The following UGT2B15 variants were observed in gnomAD, a reference collection of about 807,000 sequenced individuals.
UGT2B15 encodes UDP-glucuronosyltransferase 2B15.
In UGT2B15, 36 loss-of-function variants were observed where a neutral mutation model predicts 45.9. That is an observed-to-expected ratio of 0.78 (90% CI 0.60 to 1.04). The LOEUF (loss-of-function observed/expected upper bound fraction) is 1.04. Ranked by LOEUF, UGT2B15 falls within the 50% of genes least tolerant of loss-of-function variation. The probability of loss-of-function intolerance (pLI) is 0.00; values close to 1 mark genes in which losing one functional copy is unlikely to be tolerated. For synonymous variants in UGT2B15, 219 were observed against 216.4 expected (o/e 1.01, Z -0.11); for missense variants, 617 against 622.4 (o/e 0.99, Z 0.09).
At position 68,647,138 on chromosome 4, in the gene UGT2B15, A is replaced by T. The variant is rs750536796; in HGVS notation, c.1559T>A (p.Leu520His). 18 of 1,612,936 alleles carry T rather than the reference A, an allele frequency of 1.1e-5. 1 individual carries two copies. The Middle Eastern group carries it at 8.2e-4, about 74-fold the overall frequency. Residue 520 changes from leucine (L) to histidine (H), a missense_variant, in exon 6 of 6, where the codon CTT (leucine) becomes CAT (histidine). Leu to His is a moderately conservative substitution (Grantham distance 99). This residue lies in a region of UGT2B15 where 265 missense variants were observed against 245.1 expected (regional missense o/e 1.08). Coordinates refer to ENST00000338206, the MANE Select transcript of UGT2B15 (RefSeq NM_001076.4). ...TKFCLFCFRKLAKKGKKKKRD is the reference protein window; with the variant it reads ...TKFCLFCFRKHAKKGKKKKRD ...TTTCTTCTTCTTTCCTTTTTTGGCA[A>T]GCTTTCGGAAACAAAACAGGCAAAA...
chr4:68,658,709 C>A (rs1157996923), intron 3 of UGT2B15, among the ~76,000 whole-genome samples: 4 of 152,006 alleles, frequency 2.6e-5, no homozygotes, highest in Non-Finnish European at 5.9e-5. Context: ...TGGGAAAAAA[C>A]TGTTATCATT....
At chr4:68,660,375 C>T (rs559156059) in intron 3 of UGT2B15, among the ~76,000 whole-genome samples, 17 of 151,950 alleles carry the variant, frequency 1.1e-4, no homozygotes, top group African/African-American at 4.1e-4. Flanking sequence ...GAGAGGAATT[C>T]ACCCAACTCG....
rs547860242 is a variant in UGT2B15 at position 68,652,399 on chromosome 4, C to T, written c.1313+1638G>A. Among the ~76,000 whole-genome samples the T allele has an allele frequency of 3.0e-4, 45 of 151,522 alleles. 1 individual carries two copies. Among genetic ancestry groups the T allele is most frequent in the Admixed American group, 5.3e-4 (8 of 15,200 alleles). On this transcript the variant is annotated intron_variant, in intron 5 of 5. Coordinates refer to ENST00000338206, the MANE Select transcript of UGT2B15 (RefSeq NM_001076.4). ...TTCTCTAGTTCACATTTAAATCCAG[C>T]ATCTTATTCTATATATATATATATT... is the stretch of plus-strand genomic sequence containing the variant.
Position 68,647,264 on chromosome 4 carries a change from C to G in UGT2B15, c.1433G>C (p.Arg478Pro). ...VMRHKGAKHL[R>P]VAAHNLTWIQ... is the part of the protein sequence containing the mutation. ...CCAGGTGAGGTTGTGAGCTGCGACT[C>G]GAAGGTGCTTGGCTCCTTTGTGGCG... The change falls in exon 6 of 6, where the codon CGA becomes CCA. Residue 478 changes from arginine (R) to proline (P), a missense_variant. By Grantham distance (103) the Arg-to-Pro change is moderately radical. Transcript: ENST00000338206. The G allele has an allele frequency of 6.2e-7, 1 of 1,613,950 alleles. No individual in the cohort carries two copies. Among genetic ancestry groups the G allele is most frequent in the South Asian group, 1.1e-5 (1 of 91,076 alleles).
Position 68,654,077 on chromosome 4 carries a change from C to A in UGT2B15, c.1273G>T (p.Asp425Tyr), listed in dbSNP as rs1413959212. Residue 425 changes from aspartate to tyrosine, a missense_variant, in exon 5 of 6, where the codon GAT (aspartate) becomes TAT (tyrosine). Asp to Tyr is a radical substitution (Grantham distance 160). Transcript: ENST00000338206. ...SVDIRTMSSR[D>Y]LLNALKSVIN... The stretch of plus-strand genomic sequence containing the variant: ...ACTGACTTCAATGCATTGAGCAAAT[C>A]TCTACTTGACATGGTCCTGATGTCC... 1 of 1,613,568 alleles carries A rather than the reference C, an allele frequency of 6.2e-7. No homozygotes were observed. Among genetic ancestry groups the A allele is most frequent in the Non-Finnish European group, 8.5e-7 (1 of 1,179,630 alleles).
chr4:68,666,733 C>CAT (rs975003043), intron 2 of UGT2B15, among the ~76,000 whole-genome samples: 230 of 136,334 alleles, frequency 1.7e-3, no homozygotes, highest in South Asian at 3.8e-3. Flanking sequence ...TATCAAATTA[C>CAT]ATATATATAT....
At chr4:68,664,823 C>G (rs556748588) in intron 2 of UGT2B15, among the ~76,000 whole-genome samples, 1 of 152,028 alleles carries the variant, frequency 6.6e-6, no homozygotes, top group African/African-American at 2.4e-5. Flanking sequence ...CTCAGCCTCC[C>G]GATGTGCTGG....
chr4:68,654,088 A>T lies in UGT2B15; in HGVS notation c.1262T>A (p.Met421Lys). The change falls in exon 5 of 6, where the codon ATG (methionine) becomes AAG (lysine). Residue 421 changes from methionine to lysine, a missense_variant. Physicochemically the swap from Met to Lys is moderately conservative, Grantham distance 95 (BLOSUM62 -1). Transcript: ENST00000338206. ...GAALSVDIRT[M>K]SSRDLLNALK... The stretch of plus-strand genomic sequence containing the variant: ...TGCATTGAGCAAATCTCTACTTGAC[A>T]TGGTCCTGATGTCCACACTGAGGGC... 1.9e-6 allele frequency: 3 copies of T among 1,613,570 alleles called. No individual in the cohort carries two copies. The highest frequency in any genetic ancestry group is 2.5e-6 in the Non-Finnish European group (3 of 1,179,626).
chr4:68,660,102 C>A (rs1560607910), intron 3 of UGT2B15, among the ~76,000 whole-genome samples: 12 of 150,930 alleles, frequency 8.0e-5, no homozygotes, highest in Admixed American at 5.3e-4. Context: ...CAGTTATTTG[C>A]ATAAGTGCAA....
intron 5 of UGT2B15, 118 bp downstream of exon 5, chr4:68,653,919 T>C: frequency 2.3e-6 from 3 of 1,306,364 alleles, no homozygotes; most frequent in East Asian, 2.4e-5. Flanking sequence ...AGATTTTACA[T>C]TGGTTAAATC....
intron 5 of UGT2B15, among the ~76,000 whole-genome samples, chr4:68,652,002 T>C (rs1301184600): frequency 6.6e-6 from 1 of 152,124 alleles, no homozygotes; most frequent in Non-Finnish European, 1.5e-5. Context: ...TTTTTATCCA[T>C]GAGGATGGAA....
intron 3 of UGT2B15, among the ~76,000 whole-genome samples, chr4:68,660,524 T>C (rs1732932361): frequency 6.6e-6 from 1 of 151,704 alleles, no homozygotes; most frequent in Admixed American, 6.6e-5. Context: ...CTCCTCTGTA[T>C]ACAATAATCA....
rs901931240 is a variant in UGT2B15, at chr4:68,646,803, A to T, written c.*301T>A. The T allele has an allele frequency of 3.6e-6, 1 of 281,074 alleles. No homozygotes were observed. Among genetic ancestry groups the T allele is most frequent in the Non-Finnish European group, 6.7e-6 (1 of 149,034 alleles). 17.4% of individuals were successfully genotyped at this position (281,074 alleles called of 1,614,324 possible). A position where few individuals can be genotyped will look rare whatever the true frequency, so the allele number is the denominator to read the frequency against. On this transcript the variant is annotated 3_prime_UTR_variant, in exon 6 of 6. Coordinates refer to ENST00000338206, the MANE Select transcript of UGT2B15 (RefSeq NM_001076.4). ...TGTGCACAACGTGCAGGTTAGCTAC[A>T]TATGTATACATGTGCCATGTTGGCG... is the stretch of plus-strand genomic sequence containing the variant.
intron 4 of UGT2B15, 94 bp downstream of exon 4, chr4:68,655,001 T>C (rs1732761015): frequency 7.0e-7 from 1 of 1,427,176 alleles, no homozygotes; most frequent in South Asian, 1.2e-5. Flanking sequence ...AGTTTTCCAA[T>C]AATAAATGCT....
In UGT2B15 at chr4:68,647,364, T is replaced by G. The variant is rs1220554291; in HGVS notation, c.1333A>C (p.Lys445Gln). The change falls in exon 6 of 6, where the codon AAA becomes CAA. Residue 445 changes from lysine to glutamine, a missense_variant. This residue lies in a region of UGT2B15 where 265 missense variants were observed against 245.1 expected (regional missense o/e 1.08). Coordinates refer to ENST00000338206, the MANE Select transcript of UGT2B15 (RefSeq NM_001076.4). Reference sequence around the variant, plus strand: ...TGGTCATGATGAATTCTTGATAATTTCATGACATTCTCTTTATAGCTGAAG... The same window carrying G: ...TGGTCATGATGAATTCTTGATAATTGCATGACATTCTCTTTATAGCTGAAG... ...NDPVYKENVM[K>Q]LSRIHHDQPM... 2 of 1,613,384 alleles carry G rather than the reference T, an allele frequency of 1.2e-6. No homozygotes were observed. Among genetic ancestry groups the G allele is most frequent in the Admixed American group, 3.3e-5 (2 of 59,952 alleles).
Position 68,670,305 on chromosome 4 carries a change from G to A in UGT2B15, c.314C>T (p.Thr105Ile). 1 of 1,614,020 alleles carries A rather than the reference G, an allele frequency of 6.2e-7. No homozygotes were observed. The highest frequency in any genetic ancestry group is 8.5e-7 in the Non-Finnish European group (1 of 1,179,974). Residue 105 changes from threonine to isoleucine, a missense_variant, in exon 1 of 6, where the codon ACA becomes ATA. By Grantham distance (89) the Thr-to-Ile change is moderately conservative. This residue lies in a region of UGT2B15 where 351 missense variants were observed against 342.1 expected (regional missense o/e 1.03). Coordinates refer to ENST00000338206, the MANE Select transcript of UGT2B15 (RefSeq NM_001076.4). ...DRWIYGVSKN[T>I]FWSYFSQLQE... ...TAATTGTGAAAAATATGACCAAAAT[G>A]TATTTTTTGAAACACCATATATCCA... is the stretch of plus-strand genomic sequence containing the variant.
intron 4 of UGT2B15, among the ~76,000 whole-genome samples, chr4:68,654,767 A>G (rs990827119): frequency 6.6e-6 from 1 of 151,984 alleles, no homozygotes; most frequent in African/African-American, 2.4e-5. Context: ...ATAACCCTGC[A>G]GTAGGGGAAA....
Position 68,670,473 on chromosome 4 carries a change from C to T in UGT2B15, c.146G>A (p.Arg49Lys), listed in dbSNP as rs149630676. Reference protein sequence around the residue: ...MKTILEELVQRGHEVTVLTSS... With the variant: ...MKTILEELVQKGHEVTVLTSS... ...TGTCAACACAGTCACCTCATGACCCCTCTGAACAAGCTCTTCCAGGATTGT... is the reference window on the plus strand; with the variant it reads ...TGTCAACACAGTCACCTCATGACCCTTCTGAACAAGCTCTTCCAGGATTGT... Residue 49 changes from arginine (R) to lysine (K), a missense_variant, in exon 1 of 6, where the codon AGG becomes AAG. By Grantham distance (26) the Arg-to-Lys change is conservative. This residue lies in a region of UGT2B15 where 351 missense variants were observed against 342.1 expected (regional missense o/e 1.03). Coordinates refer to ENST00000338206, the MANE Select transcript of UGT2B15 (RefSeq NM_001076.4). 14 of 1,613,932 alleles carry T rather than the reference C, an allele frequency of 8.7e-6. No homozygotes were observed. The African/African-American group carries it at 1.6e-4, about 18-fold the overall frequency.
chr4:68,667,907 A>G (rs1733187343), intron 2 of UGT2B15, 133 bp downstream of exon 2: 35 of 1,402,996 alleles, frequency 2.5e-5, no homozygotes, highest in Non-Finnish European at 3.3e-5. Flanking sequence ...GAAATATATG[A>G]TTTTCTAATG....
Sources: allele counts gnomAD v4.1 joint callset (sites outside exome capture counted in the v4.1 genomes callset), GRCh38; gene constraint gnomAD v4.1.1; regional missense constraint gnomAD v4.1.1; transcripts MANE v1.5; gene names NCBI Gene and HGNC (gene_info 2026-07-23, HGNC 2026-07-21).